STRN3: variants seen among roughly 807,000 people sequenced by gnomAD.
The protein encoded by STRN3 is striatin-3.
In STRN3, 29 loss-of-function variants were observed where a neutral mutation model predicts 95.6. The ratio of observed to expected loss-of-function variants is 0.30; its 90% CI spans 0.23 to 0.41. STRN3 has a LOEUF of 0.41. STRN3 is among the 10% of genes least tolerant of loss of function. STRN3 has a pLI of 1.00. For synonymous variants in STRN3, 331 were observed against 357.6 expected, an observed-to-expected ratio of 0.93 and a Z score of 0.84; for missense variants, 890 against 972.1, an observed-to-expected ratio of 0.92 and a Z score of 1.12.
chr14:30,984,993 A>G (rs369873286), intron 1 of STRN3, among the ~76,000 whole-genome samples: 19 of 152,214 alleles, frequency 1.2e-4, no homozygotes, highest in East Asian at 1.2e-3. Context: ...GTTAGATGTA[A>G]TTGCGGAATA....
intron 1 of STRN3, among the ~76,000 whole-genome samples, chr14:30,976,153 C>G (rs942426280): frequency 6.6e-6 from 1 of 151,250 alleles, no homozygotes; most frequent in Non-Finnish European, 1.5e-5. Flanking sequence ...AAATGCCAGA[C>G]AGGTTGCCTA....
chr14:31,020,491 C>T (rs1883453514), intron 1 of STRN3, among the ~76,000 whole-genome samples: 2 of 149,694 alleles, frequency 1.3e-5, no homozygotes, highest in African/African-American at 5.0e-5. Context: ...AGAGCGAAAA[C>T]TGTCTCTAAA....
chr14:30,979,847 G>A (rs1006256378), intron 1 of STRN3, among the ~76,000 whole-genome samples: 11 of 151,872 alleles, frequency 7.2e-5, no homozygotes, highest in African/African-American at 2.4e-4. Flanking sequence ...TAATCTGCCC[G>A]CCTTGGCTTC....
At position 30,999,751 on chromosome 14, in the gene STRN3, T is replaced by C. The variant is rs141306276; in HGVS notation, c.282+26153A>G. Reference sequence around the variant, plus strand: ...GGAAAGAGAAGGACAGAAAAAATAATTGGAGAAATAACAGCCCAAAATTTC... The same window carrying C: ...GGAAAGAGAAGGACAGAAAAAATAACTGGAGAAATAACAGCCCAAAATTTC... On this transcript the variant is annotated intron_variant, in intron 1 of 17. Transcript: ENST00000357479. 4.6e-5 allele frequency among the ~76,000 whole-genome samples: 7 copies of C among 152,254 alleles called. No individual in the cohort carries two copies. The East Asian group carries it at 7.7e-4, about 17-fold the overall frequency.
chr14:30,910,761 T>A (rs1465198159), intron 13 of STRN3, among the ~76,000 whole-genome samples: 1 of 152,118 alleles, frequency 6.6e-6, no homozygotes, highest in East Asian at 1.9e-4. Flanking sequence ...GTTACTTAGA[T>A]TACATTTTGT....
Position 30,928,203 on chromosome 14 carries a change from T to G in STRN3, c.1099+998A>C, listed in dbSNP as rs189774552. ...GTGTAACAGGTGAAACCCCCAAAACTTCACTTATTAGCCTCCACAGTAAAT... is the reference window on the plus strand; with the variant it reads ...GTGTAACAGGTGAAACCCCCAAAACGTCACTTATTAGCCTCCACAGTAAAT... On this transcript the variant is annotated intron_variant, in intron 8 of 17. Transcript: ENST00000357479. Among the ~76,000 whole-genome samples, 80 of 152,282 alleles carry G rather than the reference T, an allele frequency of 5.3e-4. 1 individual carries two copies. The East Asian group carries it at 0.014, about 27-fold the overall frequency.
chr14:30,948,481 A>C (rs994944705), intron 4 of STRN3, among the ~76,000 whole-genome samples: 2 of 152,208 alleles, frequency 1.3e-5, no homozygotes, highest in Admixed American at 1.3e-4. Flanking sequence ...ACTCAAAGGA[A>C]AATGAAAATA....
chr14:30,925,815 G>A (rs1408354208), intron 8 of STRN3, among the ~76,000 whole-genome samples: 2 of 151,894 alleles, frequency 1.3e-5, no homozygotes, highest in Admixed American at 1.3e-4. Flanking sequence ...TCATTTATAA[G>A]CAAAAATTTT....
chr14:31,026,364 A>T lies in STRN3; in HGVS notation c.-179T>A, dbSNP rs1441601570. The T allele has an allele frequency of 2.1e-6, 1 of 486,854 alleles. No individual in the cohort carries two copies. Among genetic ancestry groups the T allele is most frequent in the African/African-American group, 2.1e-5 (1 of 47,476 alleles). 30.2% of individuals were successfully genotyped at this position (486,854 alleles called of 1,614,324 possible). A position where few individuals can be genotyped will look rare whatever the true frequency, so the allele number is the denominator to read the frequency against. On this transcript the variant is annotated 5_prime_UTR_variant, in exon 1 of 18. The change creates a premature stop within an existing upstream ORF in the 5' untranslated region. Transcript: ENST00000357479. The stretch of plus-strand genomic sequence containing the variant: ...GGGAGCTGCCGGCTGCCGCCATTAC[A>T]ATCCCTCCTCCATCTGCCCGTCTCA...
chr14:30,985,784 T>G (rs1566475925), intron 1 of STRN3, among the ~76,000 whole-genome samples: 2 of 152,240 alleles, frequency 1.3e-5, no homozygotes, highest in African/African-American at 4.8e-5. Context: ...CGTTTACACT[T>G]ACATCTTTTG....
At chr14:31,018,292 C>T (rs950178125) in intron 1 of STRN3, among the ~76,000 whole-genome samples, 7 of 152,132 alleles carry the variant, frequency 4.6e-5, no homozygotes, top group South Asian at 2.1e-4. Context: ...GCTGCTGCCA[C>T]GGGGCCAGCA....
chr14:30,969,831 TA>T (rs773745771), intron 1 of STRN3, among the ~76,000 whole-genome samples: 1 of 152,028 alleles, frequency 6.6e-6, no homozygotes, highest in Non-Finnish European at 1.5e-5. Context: ...GAATTTCCAG[TA>T]AACCAGCACC....
At chr14:30,951,017 G>T (rs1879615184) in intron 3 of STRN3, 73 bp from the exon 4 acceptor site, 2 of 1,306,786 alleles carry the variant, frequency 1.5e-6, no homozygotes, top group African/African-American at 1.5e-5. Context: ...GTTTTCTTAG[G>T]GATAAATTCC....
chr14:31,023,598 G>T (rs1382394263), intron 1 of STRN3, among the ~76,000 whole-genome samples: 1 of 152,086 alleles, frequency 6.6e-6, no homozygotes, highest in Admixed American at 6.6e-5. Context: ...GTGCACTGGA[G>T]ACTGTACATA....
intron 1 of STRN3, among the ~76,000 whole-genome samples, chr14:30,999,786 A>T (rs1882363759): frequency 6.6e-6 from 1 of 152,244 alleles, no homozygotes; most frequent in Non-Finnish European, 1.5e-5. Flanking sequence ...CCCATGTGAT[A>T]GAAAACATTA....
At position 30,902,565 on chromosome 14, in the gene STRN3, C is replaced by T. The variant is rs1896352910; in HGVS notation, c.2108G>A (p.Arg703Lys). ...TTTATTGTCAAAAAATTTGATGTGT[C>T]TATCTTCATGAGCAGTTATTGTAAC... Reference protein sequence around the residue: ...LPVTITAHEDRHIKFFDNKTG... With the variant: ...LPVTITAHEDKHIKFFDNKTG... Residue 703 changes from arginine to lysine, a missense_variant, in exon 16 of 18, where the codon AGA becomes AAA. This residue lies in a region of STRN3 where 357 missense variants were observed against 422.8 expected (regional missense o/e 0.84). Transcript: ENST00000357479. 1 of 1,606,702 alleles carries T rather than the reference C, an allele frequency of 6.2e-7. No individual in the cohort carries two copies. Among genetic ancestry groups the T allele is most frequent in the Non-Finnish European group, 8.5e-7 (1 of 1,177,396 alleles).
In STRN3 at chr14:30,955,522, C is replaced by T; in HGVS notation, c.460+98G>A. The T allele has an allele frequency of 3.1e-6, 3 of 970,198 alleles. 1 individual carries two copies. In the South Asian group the frequency reaches 4.9e-5, roughly 16 times the overall value. 60.1% of individuals were successfully genotyped at this position (970,198 alleles called of 1,614,324 possible). Reference sequence around the variant, plus strand: ...TTCTAGACAGTTTACAATAGTCATTCTCTAATATTATCAAACCAAAATGCG... The same window carrying T: ...TTCTAGACAGTTTACAATAGTCATTTTCTAATATTATCAAACCAAAATGCG... On this transcript the variant is annotated intron_variant, in intron 3 of 17. Coordinates refer to ENST00000357479, the MANE Select transcript of STRN3 (RefSeq NM_001083893.2).
intron 1 of STRN3, among the ~76,000 whole-genome samples, chr14:31,004,823 C>T (rs1882642777): frequency 6.6e-6 from 1 of 151,740 alleles, no homozygotes; most frequent in Non-Finnish European, 1.5e-5. Flanking sequence ...TGACCACATA[C>T]TGTACACCAA....
At chr14:30,925,402 AAAAAG>A (rs1312181144) in intron 8 of STRN3, among the ~76,000 whole-genome samples, 1 of 152,156 alleles carries the variant, frequency 6.6e-6, no homozygotes, top group African/African-American at 2.4e-5. Flanking sequence ...CCTTCCAAAA[AAAAAG>A]AAAAAAGACT....
Sources: gnomAD v4.1 joint callset for allele counts (sites outside exome capture counted in the v4.1 genomes callset) on GRCh38, gnomAD v4.1.1 for gene constraint, gnomAD v4.1.1 regional missense constraint, MANE v1.5 for transcripts, NCBI Gene and HGNC (gene_info 2026-07-23, HGNC 2026-07-21) for gene names.